The following PCDH9 variants were observed in gnomAD, a reference collection of about 807,000 sequenced individuals.
PCDH9 encodes protocadherin-9.
A neutral mutation model predicts 70.6 loss-of-function variants in PCDH9; 24 were observed. The ratio of observed to expected loss-of-function variants is 0.34; its 90% CI spans 0.25 to 0.48. The LOEUF (loss-of-function observed/expected upper bound fraction) is 0.48, where lower values mean the gene tolerates loss of function less well. Among genes scored for constraint, PCDH9 ranks in the 20% least tolerant of loss-of-function variants. PCDH9 has a pLI of 0.99. For missense variants in PCDH9, 1,281 were observed against 1,503.6 expected, an observed-to-expected ratio of 0.85 and a Z score of 2.45; for synonymous variants, 562 against 558.5, an observed-to-expected ratio of 1.01 and a Z score of -0.09.
intron 2 of PCDH9, among the ~76,000 whole-genome samples, chr13:67,084,984 AAAAAAAAAAAAAAAT>A (rs2086069044): frequency 2.5e-5 from 2 of 79,186 alleles, no homozygotes; most frequent in African/African-American, 4.9e-5. Context: ...AAAAAAAAAA[AAAAAAAAAAAAAAAT>A]ATATATATAT....
At chr13:67,041,429 G>A (rs2085111131) in intron 2 of PCDH9, among the ~76,000 whole-genome samples, 1 of 152,132 alleles carries the variant, frequency 6.6e-6, no homozygotes. Context: ...TTACTGGAAA[G>A]AAGTACATAA....
At chr13:66,897,082 G>A (rs1008389254) in intron 3 of PCDH9, among the ~76,000 whole-genome samples, 1 of 152,076 alleles carries the variant, frequency 6.6e-6, no homozygotes, top group Non-Finnish European at 1.5e-5. Flanking sequence ...GTAACATGTT[G>A]ATATGAGTAT....
chr13:67,169,322 A>G (rs1249927194), intron 2 of PCDH9, among the ~76,000 whole-genome samples: 1 of 152,230 alleles, frequency 6.6e-6, no homozygotes, highest in African/African-American at 2.4e-5. Flanking sequence ...ATATTGTACA[A>G]TGCTCATTAT....
At chr13:66,977,343 A>T (rs2139760871) in intron 2 of PCDH9, 1 of 152,204 alleles carries the variant, frequency 6.6e-6, no homozygotes, top group South Asian at 2.1e-4. Flanking sequence ...CATAGGCTGT[A>T]CTATAAACGG....
chr13:66,844,485 T>C (rs2081170963), intron 3 of PCDH9, among the ~76,000 whole-genome samples: 1 of 150,930 alleles, frequency 6.6e-6, no homozygotes, highest in Non-Finnish European at 1.5e-5. Context: ...CTCAGGAGTG[T>C]GAGGCAGGAG....
intron 4 of PCDH9, among the ~76,000 whole-genome samples, chr13:66,520,473 C>T (rs940937623): frequency 6.6e-6 from 1 of 152,192 alleles, no homozygotes; most frequent in Non-Finnish European, 1.5e-5. Context: ...TGCAGTAGTT[C>T]TGCAGATCAT....
intron 2 of PCDH9, among the ~76,000 whole-genome samples, chr13:67,062,526 T>C (rs756672424): frequency 7.2e-5 from 11 of 152,206 alleles, no homozygotes; most frequent in Non-Finnish European, 1.3e-4. Flanking sequence ...TTGTATATTG[T>C]TAACTCACAT....
At chr13:66,732,926 T>C (rs2079096712) in intron 3 of PCDH9, among the ~76,000 whole-genome samples, 1 of 152,060 alleles carries the variant, frequency 6.6e-6, no homozygotes, top group Non-Finnish European at 1.5e-5. Context: ...CTTGGACATA[T>C]ATACACACAG....
At chr13:66,695,983 A>G (rs999461311) in intron 3 of PCDH9, among the ~76,000 whole-genome samples, 1 of 152,290 alleles carries the variant, frequency 6.6e-6, no homozygotes, top group East Asian at 1.9e-4. Context: ...TTCATTTACC[A>G]TGACTCAGAA....
intron 4 of PCDH9, among the ~76,000 whole-genome samples, chr13:66,415,755 T>C (rs748453674): frequency 1.3e-5 from 2 of 151,282 alleles, no homozygotes; most frequent in African/African-American, 4.8e-5. Flanking sequence ...AAAAAAATCA[T>C]AGGAAAAACT....
intron 2 of PCDH9, among the ~76,000 whole-genome samples, chr13:66,932,716 C>T (rs2082836682): frequency 1.5e-5 from 2 of 135,144 alleles, no homozygotes; most frequent in African/African-American, 6.1e-5. Context: ...ATCATACATA[C>T]ATATGTATTT....
rs149068200 is a variant in PCDH9 at position 66,352,759 on chromosome 13, A to G, written c.3341-47731T>C. Among the ~76,000 whole-genome samples, 30 of 152,268 alleles carry G rather than the reference A, an allele frequency of 2.0e-4. No individual in the cohort carries two copies. The East Asian group carries it at 5.4e-3, about 27-fold the overall frequency. On this transcript the variant is annotated intron_variant, in intron 4 of 4. Coordinates refer to ENST00000377865, the MANE Select transcript of PCDH9 (RefSeq NM_203487.3). Reference sequence around the variant, plus strand: ...AACATTTAGTACATAATAATAACCCATCTTGTCACTTTTTCTGTATAATGT... The same window carrying G: ...AACATTTAGTACATAATAATAACCCGTCTTGTCACTTTTTCTGTATAATGT...
intron 3 of PCDH9, among the ~76,000 whole-genome samples, chr13:66,663,490 T>C (rs2078047986): frequency 6.6e-6 from 1 of 152,188 alleles, no homozygotes; most frequent in South Asian, 2.1e-4. Flanking sequence ...GTGAGGGTTT[T>C]CATGACTATG....
intron 2 of PCDH9, chr13:67,207,013 T>C (rs1217253879): frequency 6.6e-6 from 1 of 152,156 alleles, no homozygotes; most frequent in Non-Finnish European, 1.5e-5. Context: ...AAGATACAAA[T>C]GCTAATTTCT....
chr13:66,423,844 A>G (rs1957617158), intron 4 of PCDH9, among the ~76,000 whole-genome samples: 1 of 152,194 alleles, frequency 6.6e-6, no homozygotes, highest in African/African-American at 2.4e-5. Flanking sequence ...CAGGCAAGAG[A>G]AAGAAATAAA....
At chr13:66,410,413 T>G (rs763759751) in intron 4 of PCDH9, among the ~76,000 whole-genome samples, 50 of 152,308 alleles carry the variant, frequency 3.3e-4, no homozygotes, top group Non-Finnish European at 4.6e-4. Context: ...CCACAAGTAA[T>G]GCTGAACATT....
At chr13:66,562,153 A>G (rs1443728908) in intron 4 of PCDH9, among the ~76,000 whole-genome samples, 2 of 152,138 alleles carry the variant, frequency 1.3e-5, no homozygotes, top group Admixed American at 1.3e-4. Context: ...GCAAGAACCC[A>G]CCAATTCCGG....
At position 66,543,174 on chromosome 13, in the gene PCDH9, T is replaced by A. The variant is rs116334294; in HGVS notation, c.3340+88036A>T. The stretch of plus-strand genomic sequence containing the variant: ...AATATCAAATCAGTTGCACGTTAGA[T>A]GAAAATCACTGACACGTTATCGTTT... On this transcript the variant is annotated intron_variant, in intron 4 of 4. Transcript: ENST00000377865. 6.1e-3 allele frequency among the ~76,000 whole-genome samples: 924 copies of A among 152,232 alleles called. 8 individuals carry two copies. The highest frequency in any genetic ancestry group is 0.02 in the African/African-American group (822 of 41,560).
intron 2 of PCDH9, among the ~76,000 whole-genome samples, chr13:67,165,406 C>G (rs1160429027): frequency 6.6e-6 from 1 of 152,074 alleles, no homozygotes; most frequent in Non-Finnish European, 1.5e-5. Context: ...TCATTATACA[C>G]TTTACAATAA....
Sources: allele counts gnomAD v4.1 joint callset (sites outside exome capture counted in the v4.1 genomes callset), GRCh38; gene constraint gnomAD v4.1.1; transcripts MANE v1.5; gene names NCBI Gene and HGNC (gene_info 2026-07-23, HGNC 2026-07-21).